Variants in NCOR2 observed in about 807,000 individuals in gnomAD.
NCOR2 encodes the protein nuclear receptor corepressor 2.
Under a neutral mutation model 262.9 loss-of-function variants are expected in NCOR2, and 81 were observed. The ratio of observed to expected loss-of-function variants is 0.31; its 90% CI spans 0.26 to 0.37. NCOR2 has a LOEUF of 0.37. NCOR2 is among the 10% of genes least tolerant of loss of function. NCOR2 has a pLI of 1.00. For synonymous variants in NCOR2, 1,659 were observed against 1,559.3 expected (o/e 1.06, Z -1.51); for missense variants, 3,385 against 3,621.4 (o/e 0.93, Z 1.68).
intron 5 of NCOR2, among the ~76,000 whole-genome samples, chr12:124,459,732 C>T (rs973628394): frequency 1.3e-5 from 2 of 152,176 alleles, no homozygotes; most frequent in Non-Finnish European, 2.9e-5. Flanking sequence ...GGCTGGGGAA[C>T]GTGGACGCAG....
chr12:124,494,994 C>T (rs1057145971), intron 1 of NCOR2, among the ~76,000 whole-genome samples, 153 bp downstream of exon 3: 2 of 152,182 alleles, frequency 1.3e-5, no homozygotes, highest in Admixed American at 1.3e-4. Flanking sequence ...AGGCTTCAGA[C>T]ACCAGGGGTC....
intron 44 of NCOR2, among the ~76,000 whole-genome samples, chr12:124,328,118 AGCTGGGGGCTG>A (rs1032758383): frequency 3.9e-5 from 6 of 151,924 alleles, no homozygotes; most frequent in East Asian, 1.9e-4. Context: ...CTCAAGCCAG[AGCTGGGGGCTG>A]GCTGGGGGCT....
chr12:124,466,105 A>T (rs576490179), intron 5 of NCOR2, 68 bp downstream of exon 7: 98 of 1,426,370 alleles, frequency 6.9e-5, no homozygotes, highest in Admixed American at 1.9e-4. Flanking sequence ...GGCCTGATTC[A>T]TGGTGCCCCC....
At chr12:124,330,706 G>T in intron 44 of NCOR2, 139 bp downstream of exon 46, 1 of 892,642 alleles carries the variant, frequency 1.1e-6, no homozygotes. Flanking sequence ...GAATCCTACT[G>T]TGCGGTTAGT....
chr12:124,418,417 C>T (rs746773414), intron 13 of NCOR2, among the ~76,000 whole-genome samples: 1 of 152,194 alleles, frequency 6.6e-6, no homozygotes, highest in Non-Finnish European at 1.5e-5. Flanking sequence ...GCCCCCAACC[C>T]GTGATGGCTG....
At chr12:124,529,198 A>AAAAAC (rs1566029141) in intron 1 of NCOR2, among the ~76,000 whole-genome samples, 1 of 146,490 alleles carries the variant, frequency 6.8e-6, no homozygotes, top group African/African-American at 2.6e-5. Context: ...AAAAAAAAAA[A>AAAAAC]AAAACACTCA....
rs2044721672 is a variant in NCOR2 at position 124,440,071 on chromosome 12, C to G, written c.816-2075G>C. ...GGTGCTGCAGCTGGCCTCCCAGGGC[C>G]TGGGGGGCCACAGCGACCTCAGGAG... is the stretch of plus-strand genomic sequence containing the variant. On this transcript the variant is annotated intron_variant, in intron 7 of 46. Transcript: ENST00000405201. The surrounding 1 kb of genome is among the most constrained non-coding windows in gnomAD (Gnocchi z 5.7). 6.6e-6 allele frequency among the ~76,000 whole-genome samples: 1 copy of G among 152,128 alleles called. No homozygotes were observed. The highest frequency in any genetic ancestry group is 1.5e-5 in the Non-Finnish European group (1 of 68,004).
intron 17 of NCOR2, among the ~76,000 whole-genome samples, chr12:124,381,914 C>T (rs77740881): frequency 2.4e-4 from 37 of 152,336 alleles, no homozygotes; most frequent in South Asian, 2.1e-3. Flanking sequence ...TACATAACTC[C>T]GGGACATGCC....
At chr12:124,484,459 C>T (rs1295190605) in intron 2 of NCOR2, among the ~76,000 whole-genome samples, 1 of 152,226 alleles carries the variant, frequency 6.6e-6, no homozygotes, top group Non-Finnish European at 1.5e-5. Context: ...CTGGCCTCCA[C>T]CTCTGAGGCT....
At chr12:124,494,681 C>CA (rs1272357756) in intron 1 of NCOR2, among the ~76,000 whole-genome samples, 1 of 152,170 alleles carries the variant, frequency 6.6e-6, no homozygotes, top group Non-Finnish European at 1.5e-5. Context: ...CTCCTCACCT[C>CA]AGAGCCTCGA....
Position 124,398,102 on chromosome 12 carries a change from C to A in NCOR2, c.1876+17G>T. ...GATGCAAACCAACAAGGCTTAAAGC[C>A]GCCACACACCCCTCACCTTTCTTGG... On this transcript the variant is annotated intron_variant, in intron 16 of 46. Transcript: ENST00000405201. The A allele has an allele frequency of 1.2e-6, 2 of 1,614,106 alleles. No homozygotes were observed. Among genetic ancestry groups the A allele is most frequent in the Non-Finnish European group, 1.7e-6 (2 of 1,179,958 alleles).
Position 124,429,594 on chromosome 12 carries a change from A to G in NCOR2, c.1149+19T>C, listed in dbSNP as rs1454108095. 1 of 1,581,278 alleles carries G rather than the reference A, an allele frequency of 6.3e-7. No individual in the cohort carries two copies. The highest frequency in any genetic ancestry group is 8.6e-7 in the Non-Finnish European group (1 of 1,162,180). On this transcript the variant is annotated intron_variant, in intron 10 of 46. Transcript: ENST00000405201. Reference sequence around the variant, plus strand: ...GCCAGGGAAAAGGAGCTGAGGCCAGAGTCAGGGCCTGGACTCACCTCCTGC... The same window carrying G: ...GCCAGGGAAAAGGAGCTGAGGCCAGGGTCAGGGCCTGGACTCACCTCCTGC...
intron 5 of NCOR2, among the ~76,000 whole-genome samples, chr12:124,463,627 G>A (rs543258944): frequency 5.4e-4 from 83 of 152,354 alleles, no homozygotes; most frequent in African/African-American, 1.7e-3. Flanking sequence ...TGCGTTTTCC[G>A]GCTGGCTCGA....
At position 124,379,013 on chromosome 12, in the gene NCOR2, C is replaced by CGGGACGGGACA. The variant is rs56128768; in HGVS notation, c.2020-630_2020-629insTGTCCCGTCCC. 6.7e-5 allele frequency among the ~76,000 whole-genome samples: 10 copies of CGGGACGGGACA among 150,336 alleles called. No individual in the cohort carries two copies. The South Asian group carries it at 1.9e-3, about 29-fold the overall frequency. Reference sequence around the variant, plus strand: ...GGATCAGAGGGTCGCGTGGGTGAAACAGGATGGGACAAGGAGCACAAGGCA... The same window carrying CGGGACGGGACA: ...GGATCAGAGGGTCGCGTGGGTGAAACGGGACGGGACAAGGATGGGACAAGGAGCACAAGGCA... On this transcript the variant is annotated intron_variant, in intron 17 of 46. Coordinates refer to ENST00000405201, the Ensembl canonical transcript of NCOR2.
intron 16 of NCOR2, among the ~76,000 whole-genome samples, chr12:124,395,689 G>T (rs1429119482): frequency 6.6e-6 from 1 of 152,156 alleles, no homozygotes; most frequent in Non-Finnish European, 1.5e-5. Flanking sequence ...CTCAGGCAAT[G>T]GGCGGTGGGG....
At chr12:124,333,885 CAT>C (rs1566353480) in intron 41 of NCOR2, among the ~76,000 whole-genome samples, 3 of 102,906 alleles carry the variant, frequency 2.9e-5, no homozygotes, top group Admixed American at 1.0e-4. Flanking sequence ...TGCGGGTGTG[CAT>C]GTGTGTGTGC....
At chr12:124,412,141 C>T (rs575322908) in intron 13 of NCOR2, among the ~76,000 whole-genome samples, 1 of 152,384 alleles carries the variant, frequency 6.6e-6, no homozygotes, top group Admixed American at 6.5e-5. Flanking sequence ...GGCGGCCGCA[C>T]ACAGCGCGGG....
chr12:124,515,767 C>T (rs367948877), intron 1 of NCOR2, among the ~76,000 whole-genome samples: 8 of 151,644 alleles, frequency 5.3e-5, no homozygotes, highest in African/African-American at 9.7e-5. Flanking sequence ...TGGGTGTGTG[C>T]GTGAGTGTGC....
At chr12:124,473,224 G>T in intron 3 of NCOR2, 93 bp from the exon 6 acceptor site, 1 of 1,426,846 alleles carries the variant, frequency 7.0e-7, no homozygotes, top group South Asian at 1.2e-5. Flanking sequence ...AACCTGATTG[G>T]ATTGAAGGAG....
Sources: allele counts gnomAD v4.1 joint callset (sites outside exome capture counted in the v4.1 genomes callset), GRCh38; gene constraint gnomAD v4.1.1; non-coding constraint Gnocchi (gnomAD v3.1); transcripts MANE v1.5; gene names NCBI Gene and HGNC (gene_info 2026-07-23, HGNC 2026-07-21).